TLE1: variants seen among roughly 807,000 people sequenced by gnomAD.
The protein encoded by TLE1 is transducin-like enhancer protein 1.
In TLE1, 21 loss-of-function variants were observed where a neutral mutation model predicts 89.8. The ratio of observed to expected loss-of-function variants is 0.23; its 90% CI spans 0.17 to 0.34. The LOEUF (loss-of-function observed/expected upper bound fraction) is 0.34. Ranked by LOEUF, TLE1 falls within the 10% of genes least tolerant of loss-of-function variation. The pLI, the probability that TLE1 is intolerant of heterozygous loss-of-function variation, is 1.00. For synonymous variants in TLE1, 447 were observed against 407.6 expected (o/e 1.10, Z -1.16); for missense variants, 795 against 1,031.2 (o/e 0.77, Z 3.14).
intron 6 of TLE1, among the ~76,000 whole-genome samples, chr9:81,640,118 G>C (rs1013172755): frequency 1.3e-5 from 2 of 152,140 alleles, no homozygotes; most frequent in South Asian, 4.2e-4. Context: ...ACAATGCACA[G>C]GACAGCCCTC....
chr9:81,622,693 T>C (rs540460486), intron 8 of TLE1, among the ~76,000 whole-genome samples: 2 of 152,322 alleles, frequency 1.3e-5, no homozygotes, highest in South Asian at 4.1e-4. Context: ...TTCCTCTAAA[T>C]GTGGTGGACA....
chr9:81,644,567 A>C (rs1352499960), intron 6 of TLE1, among the ~76,000 whole-genome samples: 1 of 152,166 alleles, frequency 6.6e-6, no homozygotes, highest in African/African-American at 2.4e-5. Context: ...AGGGGAGGAG[A>C]CATGAAGAAT....
At chr9:81,618,593 C>T (rs931870097) in intron 9 of TLE1, among the ~76,000 whole-genome samples, 4 of 152,054 alleles carry the variant, frequency 2.6e-5, no homozygotes, top group South Asian at 2.1e-4. Context: ...TATTTTCATG[C>T]AATAAAGAAC....
intron 1 of TLE1, 109 bp downstream of exon 1, chr9:81,688,108 G>T: frequency 7.0e-7 from 1 of 1,423,252 alleles, no homozygotes; most frequent in Non-Finnish European, 9.7e-7. Flanking sequence ...TTACACCGCT[G>T]AGGGCGAGAA....
At chr9:81,657,866 G>C (rs955612270) in intron 4 of TLE1, among the ~76,000 whole-genome samples, 1 of 147,798 alleles carries the variant, frequency 6.8e-6, no homozygotes, top group African/African-American at 2.5e-5. Flanking sequence ...AGGAAATAAT[G>C]ACAAGAAAAA....
intron 4 of TLE1, among the ~76,000 whole-genome samples, chr9:81,662,074 A>G (rs188702286): frequency 1.6e-3 from 244 of 152,338 alleles, no homozygotes; most frequent in African/African-American, 5.4e-3. Flanking sequence ...CCATGCATGA[A>G]GCTGTTCACT....
At chr9:81,662,361 T>TG (rs1830910106) in intron 4 of TLE1, among the ~76,000 whole-genome samples, 9 of 138,358 alleles carry the variant, frequency 6.5e-5, no homozygotes, top group Non-Finnish European at 9.2e-5. Context: ...TGTGCCTGTT[T>TG]TGTGTGTGTG....
chr9:81,635,330 A>T (rs1014230672), intron 6 of TLE1, among the ~76,000 whole-genome samples: 1 of 152,206 alleles, frequency 6.6e-6, no homozygotes, highest in Non-Finnish European at 1.5e-5. Flanking sequence ...GTGGGACTCC[A>T]GCCAGCGAGC....
At position 81,583,900 on chromosome 9, in the gene TLE1, T is replaced by C. The variant is rs1827988501; in HGVS notation, c.*298A>G. ...ACTTGGGCAAGGCGTGATCCCCAGA[T>C]CACCCAGAAAGAAAGAATGGGCTGT... is the stretch of plus-strand genomic sequence containing the variant. On this transcript the variant is annotated 3_prime_UTR_variant, in exon 20 of 20. Transcript: ENST00000376499. 5.4e-5 allele frequency: 19 copies of C among 352,646 alleles called. No individual in the cohort carries two copies. The South Asian group carries it at 7.5e-4, about 14-fold the overall frequency. The allele number at this position is 352,646 out of a possible 1,614,324, so 21.8% of individuals were successfully genotyped here.
chr9:81,687,184 AG>A (rs1385887954), intron 2 of TLE1, 149 bp downstream of exon 2: 4 of 597,600 alleles, frequency 6.7e-6, no homozygotes, highest in Non-Finnish European at 1.2e-5. Flanking sequence ...GAACCAGGAA[AG>A]GGGGTAACTT....
At chr9:81,667,454 C>T (rs538549196) in intron 4 of TLE1, among the ~76,000 whole-genome samples, 1 of 150,302 alleles carries the variant, frequency 6.7e-6, no homozygotes, top group Admixed American at 6.6e-5. Context: ...ACATTTAAAT[C>T]TTCAGCCAAT....
intron 15 of TLE1, 79 bp downstream of exon 15, chr9:81,592,946 A>T: frequency 6.5e-7 from 1 of 1,531,338 alleles, no homozygotes; most frequent in Non-Finnish European, 8.8e-7. Flanking sequence ...ATGGGAATAA[A>T]ACCCAGGCCC....
chr9:81,667,623 A>G (rs1588186478), intron 4 of TLE1, among the ~76,000 whole-genome samples: 1 of 152,020 alleles, frequency 6.6e-6, no homozygotes. Context: ...TAATGGCTCC[A>G]ATTTTGATAT....
At position 81,636,428 on chromosome 9, in the gene TLE1, G is replaced by A. The variant is rs1402035527; in HGVS notation, c.373-2127C>T. The stretch of plus-strand genomic sequence containing the variant: ...ATTACTATCATTACTTGGAGAGTAA[G>A]AGCTGTGTCAGGCTTCTGGGTGGGG... On this transcript the variant is annotated intron_variant, in intron 6 of 19. Transcript: ENST00000376499. Among the ~76,000 whole-genome samples, 6 of 123,908 alleles carry A rather than the reference G, an allele frequency of 4.8e-5. No homozygotes were observed. In the Admixed American group the frequency reaches 5.8e-4, roughly 12 times the overall value. The allele number at this position is 123,908 out of a possible 152,430, so 81.3% of individuals were successfully genotyped here. A position where few individuals can be genotyped will look rare whatever the true frequency, so the allele number is the denominator to read the frequency against.
rs368595624 is a variant in TLE1, at chr9:81,590,890, T to C, written c.1744A>G (p.Ile582Val). The C allele has an allele frequency of 6.2e-7, 1 of 1,614,244 alleles. No individual in the cohort carries two copies. The highest frequency in any genetic ancestry group is 2.2e-5 in the East Asian group (1 of 44,886). The change falls in exon 16 of 20, where the codon ATC becomes GTC. Residue 582 changes from isoleucine to valine, a missense_variant. Physicochemically the swap from Ile to Val is conservative, Grantham distance 29 (BLOSUM62 3). Transcript: ENST00000376499. The stretch of plus-strand genomic sequence containing the variant: ...AAGCAGACCTTGGAATCGGGGCTGA[T>C]GGCCAGGGCGTAGCAGGCGGGGGCC... ...SSAPACYALAISPDSKVCFSC... is the reference protein window; with the variant it reads ...SSAPACYALAVSPDSKVCFSC...
intron 6 of TLE1, among the ~76,000 whole-genome samples, chr9:81,641,092 G>A (rs1423948817): frequency 6.6e-6 from 1 of 152,060 alleles, no homozygotes; most frequent in Admixed American, 6.6e-5. Context: ...CTTTTAAGGG[G>A]ACAAAAACGT....
rs370578171 is a variant in TLE1, at chr9:81,633,587, ATTT to A, written c.578-226_578-224del. ...TACAGTTTAACCATACACAAAGCCTATTTTTTTATTTCTTGACAGAATAAATTA... is the reference window on the plus strand; with the variant it reads ...TACAGTTTAACCATACACAAAGCCTATTTTATTTCTTGACAGAATAAATTA... On this transcript the variant is annotated intron_variant, in intron 7 of 19. Coordinates refer to ENST00000376499, the MANE Select transcript of TLE1 (RefSeq NM_005077.5). 160 of 609,042 alleles carry A rather than the reference ATTT, an allele frequency of 2.6e-4. No individual in the cohort carries two copies. In the South Asian group the frequency reaches 3.2e-3, roughly 12 times the overall value. 37.7% of individuals were successfully genotyped at this position (609,042 alleles called of 1,614,324 possible).
intron 14 of TLE1, among the ~76,000 whole-genome samples, chr9:81,598,438 C>T (rs1830498818): frequency 6.6e-6 from 1 of 152,154 alleles, no homozygotes; most frequent in South Asian, 2.1e-4. Context: ...ATTAACCTCT[C>T]TAATAGTACT....
At chr9:81,685,137 A>G (rs1217012726) in intron 4 of TLE1, among the ~76,000 whole-genome samples, 1 of 152,142 alleles carries the variant, frequency 6.6e-6, no homozygotes, top group African/African-American at 2.4e-5. Flanking sequence ...CACCTGCAAC[A>G]ACTGAGAAAT....
Sources: allele counts gnomAD v4.1 joint callset (sites outside exome capture counted in the v4.1 genomes callset), GRCh38; gene constraint gnomAD v4.1.1; transcripts MANE v1.5; gene names NCBI Gene and HGNC (gene_info 2026-07-23, HGNC 2026-07-21).